SPAG16: variants seen among roughly 807,000 people sequenced by gnomAD.
The protein encoded by SPAG16 is sperm-associated antigen 16 protein.
Under a neutral mutation model 80.4 loss-of-function variants are expected in SPAG16, and 86 were observed. The observed-to-expected ratio is 1.07, with a 90% CI of 0.90 to 1.28. SPAG16 has a LOEUF of 1.28. SPAG16 is among the 50% of genes most tolerant of loss of function. The probability of loss-of-function intolerance (pLI) is 0.00; values close to 1 mark genes in which losing one functional copy is unlikely to be tolerated. For synonymous variants in SPAG16, 294 were observed against 265.9 expected, an observed-to-expected ratio of 1.11 and a Z score of -1.03; for missense variants, 870 against 765.3, an observed-to-expected ratio of 1.14 and a Z score of -1.61.
At chr2:214,161,363 C>G (rs185334712) in intron 15 of SPAG16, among the ~76,000 whole-genome samples, 1 of 152,202 alleles carries the variant, frequency 6.6e-6, no homozygotes, top group African/African-American at 2.4e-5. Context: ...TTCTGGATCT[C>G]TGAGAAACTT....
intron 15 of SPAG16, among the ~76,000 whole-genome samples, chr2:214,312,659 C>T (rs1695412571): frequency 6.6e-6 from 1 of 152,148 alleles, no homozygotes; most frequent in Non-Finnish European, 1.5e-5. Context: ...ATCATTCACA[C>T]TAATAATCTT....
intron 10 of SPAG16, among the ~76,000 whole-genome samples, chr2:213,597,493 TTAAA>T (rs1216721308): frequency 1.2e-4 from 18 of 152,204 alleles, no homozygotes; most frequent in African/African-American, 4.1e-4. Context: ...TCATATGTGC[TTAAA>T]TAAAACACAC....
At chr2:214,187,780 AC>A (rs761091273) in intron 15 of SPAG16, among the ~76,000 whole-genome samples, 3 of 150,706 alleles carry the variant, frequency 2.0e-5, no homozygotes, top group East Asian at 3.9e-4. Flanking sequence ...ATATCGCTTA[AC>A]CTTTTTTTTT....
chr2:213,803,237 A>T (rs1299796041), intron 10 of SPAG16, among the ~76,000 whole-genome samples: 4 of 152,232 alleles, frequency 2.6e-5, no homozygotes, highest in Non-Finnish European at 5.9e-5. Flanking sequence ...AAGATGACAG[A>T]TTGGACATAA....
At chr2:213,498,655 A>G (rs892965814) in intron 10 of SPAG16, among the ~76,000 whole-genome samples, 1 of 152,070 alleles carries the variant, frequency 6.6e-6, no homozygotes, top group African/African-American at 2.4e-5. Flanking sequence ...TGAGCACCTC[A>G]AATTTAGCAG....
intron 12 of SPAG16, among the ~76,000 whole-genome samples, chr2:213,980,857 C>T (rs376150818): frequency 2.9e-4 from 43 of 148,174 alleles, no homozygotes; most frequent in East Asian, 6.0e-4. Flanking sequence ...TGCAGTGAGC[C>T]GAGATCACAC....
At chr2:213,773,676 C>A (rs1575099045) in intron 10 of SPAG16, among the ~76,000 whole-genome samples, 1 of 152,264 alleles carries the variant, frequency 6.6e-6, no homozygotes. Context: ...ATCTCAGCCT[C>A]CTGAGTAGCT....
chr2:213,730,335 A>C (rs1175036173), intron 10 of SPAG16, among the ~76,000 whole-genome samples: 1 of 152,220 alleles, frequency 6.6e-6, no homozygotes, highest in African/African-American at 2.4e-5. Context: ...GTTTGGGATC[A>C]AAATACAATT....
intron 10 of SPAG16, among the ~76,000 whole-genome samples, chr2:213,525,168 T>C (rs1355064862): frequency 6.6e-6 from 1 of 152,142 alleles, no homozygotes; most frequent in Non-Finnish European, 1.5e-5. Flanking sequence ...GCACTTCTCC[T>C]TGCTGTTGCC....
chr2:214,054,102 C>T (rs1026922990), intron 13 of SPAG16, among the ~76,000 whole-genome samples: 10 of 152,022 alleles, frequency 6.6e-5, no homozygotes, highest in East Asian at 3.9e-4. Context: ...CTCCGCCTCC[C>T]GGGTTCAAGC....
At chr2:213,599,197 G>A (rs1254253535) in intron 10 of SPAG16, among the ~76,000 whole-genome samples, 3 of 152,174 alleles carry the variant, frequency 2.0e-5, no homozygotes, top group African/African-American at 7.2e-5. Flanking sequence ...ATTACAGAGT[G>A]AAGAAGAAGG....
intron 15 of SPAG16, among the ~76,000 whole-genome samples, chr2:214,237,894 A>G (rs1689186897): frequency 6.6e-6 from 1 of 152,178 alleles, no homozygotes; most frequent in Non-Finnish European, 1.5e-5. Context: ...TAATAGTTAC[A>G]GTAGTTTTAA....
At chr2:214,256,330 AT>A (rs559949840) in intron 15 of SPAG16, among the ~76,000 whole-genome samples, 163 of 151,916 alleles carry the variant, frequency 1.1e-3, no homozygotes, top group African/African-American at 3.6e-3. Flanking sequence ...GAACTTAGTT[AT>A]TTATTGTAGA....
At chr2:213,787,335 A>G (rs2125597689) in intron 10 of SPAG16, among the ~76,000 whole-genome samples, 1 of 152,300 alleles carries the variant, frequency 6.6e-6, no homozygotes, top group East Asian at 1.9e-4. Context: ...TTTTGAAACT[A>G]TAAGATATAA....
intron 15 of SPAG16, among the ~76,000 whole-genome samples, chr2:214,179,620 A>G (rs896126125): frequency 6.6e-6 from 1 of 151,426 alleles, no homozygotes; most frequent in Non-Finnish European, 1.5e-5. Context: ...TAGATAACTT[A>G]AGAGGTGAAA....
chr2:214,172,989 G>T (rs1460452920), intron 15 of SPAG16, among the ~76,000 whole-genome samples: 5 of 151,948 alleles, frequency 3.3e-5, no homozygotes, highest in Admixed American at 1.3e-4. Flanking sequence ...TGTAGATTCT[G>T]GATATTAGCC....
intron 10 of SPAG16, among the ~76,000 whole-genome samples, chr2:213,843,160 A>G (rs964274702): frequency 6.6e-6 from 1 of 151,934 alleles, no homozygotes; most frequent in Non-Finnish European, 1.5e-5. Context: ...CATGTGCACA[A>G]TGTGCAGGTT....
In SPAG16 at chr2:214,172,094, T is replaced by A. The variant is rs559434038; in HGVS notation, c.1720+22828T>A. Among the ~76,000 whole-genome samples the A allele has an allele frequency of 2.4e-4, 37 of 151,982 alleles. 1 individual carries two copies. The East Asian group carries it at 4.5e-3, about 18-fold the overall frequency. On this transcript the variant is annotated intron_variant, in intron 15 of 15. Transcript: ENST00000331683. ...TATCCTGCATACTTTGTTTTTTTTT[T>A]AAATTTTATTATTATTATACTTAAA...
intron 10 of SPAG16, among the ~76,000 whole-genome samples, chr2:213,788,502 ATTCT>A (rs1203900911): frequency 6.6e-6 from 1 of 151,846 alleles, no homozygotes; most frequent in Non-Finnish European, 1.5e-5. Context: ...TCTGTGCAAG[ATTCT>A]TTGTTATTTA....
Sources: allele counts gnomAD v4.1 joint callset (sites outside exome capture counted in the v4.1 genomes callset), GRCh38; gene constraint gnomAD v4.1.1; transcripts MANE v1.5; gene names NCBI Gene and HGNC (gene_info 2026-07-23, HGNC 2026-07-21).